Variants in DNAH3 observed in about 807,000 individuals in gnomAD.
DNAH3 encodes axonemal beta dynein heavy chain 3.
In DNAH3, 332 loss-of-function variants were observed where a neutral mutation model predicts 432.5. The ratio of observed to expected loss-of-function variants is 0.77; its 90% confidence interval spans 0.70 to 0.84. DNAH3 has a LOEUF of 0.84. Among genes scored for constraint, DNAH3 ranks in the 40% least tolerant of loss-of-function variants. The pLI is 0.00. For missense variants in DNAH3, 4,861 were observed against 5,114.0 expected, an observed-to-expected ratio of 0.95 and a Z score of 1.51; for synonymous variants, 1,956 against 1,900.2, an observed-to-expected ratio of 1.03 and a Z score of -0.76.
intron 27 of DNAH3, among the ~76,000 whole-genome samples, chr16:21,055,745 A>ATT (rs775755456): frequency 0.23 from 31,048 of 134,076 alleles, 3,831 homozygotes; most frequent in Admixed American, 0.29. Flanking sequence ...TCAAATGCAG[A>ATT]TTTTTTTTTT....
At chr16:21,139,713 C>T (rs1354181828) in intron 5 of DNAH3, among the ~76,000 whole-genome samples, 1 of 151,680 alleles carries the variant, frequency 6.6e-6, no homozygotes, top group East Asian at 1.9e-4. Flanking sequence ...AGTGATCCTC[C>T]CCATTCCTCC....
Position 20,935,462 on chromosome 16 carries a change from A to AG in DNAH3, c.11882dup (p.Val3962CysfsTer31), listed in dbSNP as rs1343746763. The AG allele has an allele frequency of 6.2e-7, 1 of 1,612,128 alleles. No individual in the cohort carries two copies. Among genetic ancestry groups the AG allele is most frequent in the Non-Finnish European group, 8.5e-7 (1 of 1,179,556 alleles). On this transcript the variant is annotated frameshift_variant, in exon 61 of 62. Coordinates refer to ENST00000261383, the Ensembl canonical transcript of DNAH3. LOFTEE classifies it high-confidence loss of function. ...AGAATCCAGAGATCCAAAATACCACAGGGGGCCCCTTGTCAATCCATTCCT... is the reference window on the plus strand; with the variant it reads ...AGAATCCAGAGATCCAAAATACCACAGGGGGGCCCCTTGTCAATCCATTCCT...
chr16:20,993,971 T>A (rs1254178470), intron 44 of DNAH3, among the ~76,000 whole-genome samples: 1 of 152,226 alleles, frequency 6.6e-6, no homozygotes. Flanking sequence ...ATTCTCAAAA[T>A]GTTTTTTTCT....
At chr16:21,087,184 G>A (rs2091406290) in intron 18 of DNAH3, 124 bp from the exon 19 acceptor site, 3 of 800,046 alleles carry the variant, frequency 3.7e-6, no homozygotes, top group Non-Finnish European at 6.1e-6. Context: ...TACAGGCTTT[G>A]AGGATCTGAA....
chr16:21,042,007 G>T lies in DNAH3; in HGVS notation c.4638+20C>A. 6.2e-7 allele frequency: 1 copy of T among 1,613,444 alleles called. No homozygotes were observed. Among genetic ancestry groups the T allele is most frequent in the Non-Finnish European group, 8.5e-7 (1 of 1,179,832 alleles). ...CTATTCTAAAAAGCACACCCCACAT[G>T]TATATCTGCTGGCATTTACCTTGAG... On this transcript the variant is annotated intron_variant, in intron 32 of 61. Transcript: ENST00000261383.
intron 44 of DNAH3, among the ~76,000 whole-genome samples, chr16:20,989,258 G>C (rs999398986): frequency 6.6e-5 from 10 of 152,076 alleles, no homozygotes; most frequent in African/African-American, 1.4e-4. Context: ...GGTTCTCCTC[G>C]TCCCCATCAG....
intron 41 of DNAH3, among the ~76,000 whole-genome samples, chr16:21,005,450 C>G (rs1025496763): frequency 1.3e-5 from 2 of 152,022 alleles, no homozygotes; most frequent in African/African-American, 4.8e-5. Flanking sequence ...GGTGCAATCA[C>G]AATTCACTAC....
At chr16:21,069,376 A>G (rs1336522112) in intron 23 of DNAH3, 39 bp downstream of exon 23, 21 of 1,566,606 alleles carry the variant, frequency 1.3e-5, no homozygotes, top group Non-Finnish European at 1.8e-5. Flanking sequence ...AAACATTTGT[A>G]TTTCTGCTGG....
At chr16:20,937,081 T>C in intron 59 of DNAH3, among the ~76,000 whole-genome samples, 1 of 152,264 alleles carries the variant, frequency 6.6e-6, no homozygotes, top group East Asian at 1.9e-4. Flanking sequence ...CATACTATAT[T>C]ATCTTTCCGT....
At chr16:21,040,451 G>A (rs1353814951) in intron 32 of DNAH3, among the ~76,000 whole-genome samples, 2 of 128,742 alleles carry the variant, frequency 1.6e-5, no homozygotes, top group East Asian at 5.3e-4. Context: ...TGCAACCTCC[G>A]CCTCCCAGGT....
intron 10 of DNAH3, chr16:21,121,230 G>A (rs865836746): frequency 1.6e-5 from 6 of 372,276 alleles, no homozygotes; most frequent in Non-Finnish European, 3.1e-5. Context: ...GGAAAAGATG[G>A]AGCTAAAAGG....
chr16:21,092,895 A>G (rs1383320909), intron 18 of DNAH3, among the ~76,000 whole-genome samples: 1 of 152,170 alleles, frequency 6.6e-6, no homozygotes, highest in Non-Finnish European at 1.5e-5. Flanking sequence ...TATCATTGCC[A>G]TTAAGGAACT....
chr16:21,075,485 C>T, exon 21 of DNAH3: 4 of 1,614,084 alleles, frequency 2.5e-6, no homozygotes, highest in Non-Finnish European at 3.4e-6. Flanking sequence ...GTCACGTTAA[C>T]CCAATCCAAC....
chr16:20,970,084 G>GC, intron 51 of DNAH3, 94 bp from the exon 52 acceptor site: 1 of 1,203,436 alleles, frequency 8.3e-7, no homozygotes, highest in Non-Finnish European at 1.2e-6. Context: ...GAAGAAGGAA[G>GC]AGGTGCTTCC....
chr16:20,941,383 C>T lies in DNAH3; in HGVS notation c.11654+18G>A. Reference sequence around the variant, plus strand: ...CACGTTCCAACTCCCAGGATTCAAGCTACATCATCTGGCCCACCTGTTGAA... The same window carrying T: ...CACGTTCCAACTCCCAGGATTCAAGTTACATCATCTGGCCCACCTGTTGAA... On this transcript the variant is annotated intron_variant, in intron 59 of 61. Transcript: ENST00000261383. 1.9e-6 allele frequency: 3 copies of T among 1,613,400 alleles called. No homozygotes were observed. The South Asian group carries it at 3.3e-5, about 18-fold the overall frequency.
chr16:21,068,965 C>G (rs1363186193), intron 23 of DNAH3, among the ~76,000 whole-genome samples: 1 of 151,636 alleles, frequency 6.6e-6, no homozygotes, highest in African/African-American at 2.4e-5. Context: ...TGCTCTCTCT[C>G]CCAGCCTGGA....
At chr16:21,077,338 T>C (rs1433073905) in intron 20 of DNAH3, among the ~76,000 whole-genome samples, 1 of 152,006 alleles carries the variant, frequency 6.6e-6, no homozygotes, top group African/African-American at 2.4e-5. Flanking sequence ...AATTTTTGTA[T>C]TTTTAGTAGA....
intron 7 of DNAH3, among the ~76,000 whole-genome samples, chr16:21,130,363 G>C (rs1195889554): frequency 6.7e-6 from 1 of 149,618 alleles, no homozygotes; most frequent in Non-Finnish European, 1.5e-5. Flanking sequence ...CTGGAGTGCA[G>C]TGGCGATCTT....
At chr16:21,106,571 C>T in exon 15 of DNAH3, 3 of 1,612,416 alleles carry the variant, frequency 1.9e-6, no homozygotes, top group Non-Finnish European at 2.5e-6. Flanking sequence ...AACACAGTGA[C>T]AGCACTGGAT....
Sources: allele counts gnomAD v4.1 joint callset (sites outside exome capture counted in the v4.1 genomes callset), GRCh38; gene constraint gnomAD v4.1.1; transcripts MANE v1.5; gene names NCBI Gene and HGNC (gene_info 2026-07-23, HGNC 2026-07-21).